Variants in POGZ observed in about 807,000 individuals in gnomAD.
The protein encoded by POGZ is pogo transposable element with ZNF domain.
Under a neutral mutation model 134.6 loss-of-function variants are expected in POGZ, and 17 were observed. The observed-to-expected ratio is 0.13, with a 90% CI of 0.09 to 0.19. The LOEUF is 0.19. POGZ is among the 10% of genes least tolerant of loss of function. The probability of loss-of-function intolerance (pLI) is 1.00; values close to 1 mark genes in which losing one functional copy is unlikely to be tolerated. For synonymous variants in POGZ, 693 were observed against 657.1 expected (o/e 1.05, Z -0.84); for missense variants, 1,306 against 1,769.7 (o/e 0.74, Z 4.70).
At chr1:151,458,156 G>A (rs1160344296) in intron 1 of POGZ, among the ~76,000 whole-genome samples, 1 of 152,090 alleles carries the variant, frequency 6.6e-6, no homozygotes, top group Admixed American at 6.6e-5. Flanking sequence ...TAAGACAAGT[G>A]CTACTAGCAG....
At chr1:151,436,251 C>T (rs947711690) in intron 3 of POGZ, among the ~76,000 whole-genome samples, 7 of 152,192 alleles carry the variant, frequency 4.6e-5, no homozygotes, top group African/African-American at 1.4e-4. Flanking sequence ...AGCCACCGCG[C>T]CTGGCCTAGA....
At chr1:151,416,311 C>T (rs1445676175) in intron 10 of POGZ, among the ~76,000 whole-genome samples, 1 of 149,648 alleles carries the variant, frequency 6.7e-6, no homozygotes, top group Non-Finnish European at 1.5e-5. Context: ...AATCCCAGCA[C>T]TCTGGGAGGC....
chr1:151,407,041 G>T lies in POGZ; in HGVS notation c.2433-18C>A. ...TGATTCCACTAAAAAAGAGAATTGA[G>T]ACTATGTAAGACAAACACAGCAGTG... is the stretch of plus-strand genomic sequence containing the variant. On this transcript the variant is annotated intron_variant, in intron 16 of 18. Transcript: ENST00000271715. The T allele has an allele frequency of 3.8e-6, 6 of 1,578,060 alleles. No individual in the cohort carries two copies. The highest frequency in any genetic ancestry group is 5.2e-6 in the Non-Finnish European group (6 of 1,148,120).
At chr1:151,457,694 A>G (rs1004230958) in intron 1 of POGZ, among the ~76,000 whole-genome samples, 1 of 152,198 alleles carries the variant, frequency 6.6e-6, no homozygotes, top group Non-Finnish European at 1.5e-5. Flanking sequence ...TGGGAGGCCA[A>G]GGCGGGCGGA....
intron 3 of POGZ, among the ~76,000 whole-genome samples, chr1:151,440,050 CT>C (rs1225056778): frequency 3.3e-5 from 5 of 152,048 alleles, no homozygotes; most frequent in Non-Finnish European, 7.4e-5. Context: ...CTTGTATAAT[CT>C]TTTTTTGTCA....
At position 151,428,280 on chromosome 1, in the gene POGZ, A is replaced by T; in HGVS notation, c.702T>A (p.Thr234=). ...GTGGGACGGTGCTTCGAATGGTAAG[A>T]GTGGCCGGGATGACGGTGGTGAAGG... ...TNTFTTVIPA[T]LTIRSTVPQS... The change falls in exon 6 of 19, where the codon ACT becomes ACA. Residue 234 remains threonine (T), a synonymous_variant. Transcript: ENST00000271715. The T allele has an allele frequency of 1.2e-6, 2 of 1,614,096 alleles. No homozygotes were observed. The highest frequency in any genetic ancestry group is 1.7e-6 in the Non-Finnish European group (2 of 1,180,002).
chr1:151,407,602 C>G (rs559387593), intron 15 of POGZ, among the ~76,000 whole-genome samples: 1 of 152,144 alleles, frequency 6.6e-6, no homozygotes, highest in South Asian at 2.1e-4. Flanking sequence ...CACAGACCAT[C>G]AAAACCGAAA....
chr1:151,412,269 A>G (rs1396068944), intron 11 of POGZ, 27 bp downstream of exon 11: 1 of 1,295,756 alleles, frequency 7.7e-7, no homozygotes, highest in Non-Finnish European at 1.1e-6. Context: ...CAAAACTGCT[A>G]AAACTCCCTG....
At chr1:151,412,436 A>AAG (rs1462543822) in intron 10 of POGZ, 40 bp from the exon 11 acceptor site, 5 of 1,088,962 alleles carry the variant, frequency 4.6e-6, no homozygotes, top group Non-Finnish European at 5.6e-6. Context: ...ACTTGAAAAT[A>AAG]AGACAAAAGT....
At position 151,425,149 on chromosome 1, in the gene POGZ, T is replaced by A. The variant is rs1657553053; in HGVS notation, c.1079-88A>T. 4.2e-6 allele frequency: 3 copies of A among 713,816 alleles called. No individual in the cohort carries two copies. The South Asian group carries it at 4.6e-5, about 11-fold the overall frequency. 44.2% of individuals were successfully genotyped at this position (713,816 alleles called of 1,614,324 possible). A position where few individuals can be genotyped will look rare whatever the true frequency, so the allele number is the denominator to read the frequency against. On this transcript the variant is annotated intron_variant, in intron 7 of 18. Transcript: ENST00000271715. ...TTTTGGGAAAAAGTCAAACACTCCC[T>A]GAGAAGTATATAAAAGGGTAAGCAA...
Position 151,428,419 on chromosome 1 carries a change from A to G in POGZ, c.569-6T>C. 6.2e-7 allele frequency: 1 copy of G among 1,612,160 alleles called. No individual in the cohort carries two copies. Among genetic ancestry groups the G allele is most frequent in the Non-Finnish European group, 8.5e-7 (1 of 1,178,352 alleles). ...AACAAACTGGGTACCTGGGGCTTTA[A>G]AAGAGAGACAAAGTACCAGATCTTG... is the stretch of plus-strand genomic sequence containing the variant. On this transcript the variant is annotated splice_polypyrimidine_tract_variant and splice_region_variant and intron_variant, in intron 5 of 18. Coordinates refer to ENST00000271715, the MANE Select transcript of POGZ (RefSeq NM_015100.4).
chr1:151,439,103 AG>A (rs1402310835), intron 3 of POGZ: 2 of 152,192 alleles, frequency 1.3e-5, no homozygotes, highest in Non-Finnish European at 2.9e-5. Flanking sequence ...TAAAAAAAAA[AG>A]AAATACACAG....
chr1:151,413,313 T>C (rs1206366926), intron 10 of POGZ, among the ~76,000 whole-genome samples: 1 of 151,692 alleles, frequency 6.6e-6, no homozygotes, highest in Non-Finnish European at 1.5e-5. Flanking sequence ...AGGGACAGGG[T>C]CTCGCCATGT....
At chr1:151,458,625 G>A (rs1329799488) in intron 1 of POGZ, among the ~76,000 whole-genome samples, 1 of 138,242 alleles carries the variant, frequency 7.2e-6, no homozygotes, top group Non-Finnish European at 1.6e-5. Context: ...CCCCTCCGCC[G>A]CACGGCCTCG....
chr1:151,437,494 G>A (rs910214937), intron 3 of POGZ, among the ~76,000 whole-genome samples: 5 of 152,176 alleles, frequency 3.3e-5, no homozygotes, highest in African/African-American at 1.2e-4. Flanking sequence ...GCTCATGCCT[G>A]TAATCCCAGA....
Position 151,428,176 on chromosome 1 carries a change from T to C in POGZ, c.806A>G (p.Gln269Arg). The change falls in exon 6 of 19, where the codon CAA (glutamine) becomes CGA (arginine). Residue 269 changes from glutamine (Q) to arginine (R), a missense_variant. By Grantham distance (43) the Gln-to-Arg change is conservative. Transcript: ENST00000271715. ...PTATQPTSLG[Q>R]LAVQSPGQSN... Reference sequence around the variant, plus strand: ...CTGGCCTGGAGACTGAACAGCTAGTTGCCCCAGTGAGGTTGGCTGTGTGGC... The same window carrying C: ...CTGGCCTGGAGACTGAACAGCTAGTCGCCCCAGTGAGGTTGGCTGTGTGGC... 1.2e-6 allele frequency: 2 copies of C among 1,614,170 alleles called. No individual in the cohort carries two copies. The highest frequency in any genetic ancestry group is 1.7e-6 in the Non-Finnish European group (2 of 1,180,034).
chr1:151,451,418 C>G (rs1662064320), intron 1 of POGZ, among the ~76,000 whole-genome samples: 1 of 151,840 alleles, frequency 6.6e-6, no homozygotes, highest in Admixed American at 6.6e-5. Flanking sequence ...CCTTCACCTC[C>G]TGGGTGCAAG....
intron 1 of POGZ, among the ~76,000 whole-genome samples, chr1:151,452,899 G>GT (rs900414702): frequency 4.0e-5 from 6 of 151,548 alleles, no homozygotes; most frequent in Non-Finnish European, 7.4e-5. Context: ...GTGGTGGATA[G>GT]TTTAAGTGTT....
chr1:151,403,671 G>A lies in POGZ; in HGVS notation c.*1131C>T, dbSNP rs921285379. The A allele has an allele frequency of 6.1e-6, 6 of 985,598 alleles. No homozygotes were observed. Among genetic ancestry groups the A allele is most frequent in the Non-Finnish European group, 7.2e-6 (6 of 829,818 alleles). 61.1% of individuals were successfully genotyped at this position (985,598 alleles called of 1,614,324 possible). A position where few individuals can be genotyped will look rare whatever the true frequency, so the allele number is the denominator to read the frequency against. On this transcript the variant is annotated 3_prime_UTR_variant, in exon 19 of 19. Transcript: ENST00000271715. ...TGCACACCCCTGTGCGCTTCTTCCT[G>A]TCAGATTCTTCCCTAAGTATTAAGA... is the stretch of plus-strand genomic sequence containing the variant.
Sources: allele counts gnomAD v4.1 joint callset (sites outside exome capture counted in the v4.1 genomes callset), GRCh38; gene constraint gnomAD v4.1.1; transcripts MANE v1.5; gene names NCBI Gene and HGNC (gene_info 2026-07-23, HGNC 2026-07-21).